UTP25: variants seen among roughly 807,000 people sequenced by gnomAD.
UTP25 encodes the protein UTP25 small subunit processome component.
Under a neutral mutation model 78.9 loss-of-function variants are expected in UTP25, and 50 were observed. The observed-to-expected ratio is 0.63, with a 90% CI of 0.50 to 0.80. UTP25 has a LOEUF of 0.80. Among genes scored for constraint, UTP25 ranks in the 30% least tolerant of loss-of-function variants. The probability of loss-of-function intolerance (pLI) is 0.00; values close to 1 mark genes in which losing one functional copy is unlikely to be tolerated. For missense variants in UTP25, 846 were observed against 911.3 expected, an observed-to-expected ratio of 0.93 and a Z score of 0.92; for synonymous variants, 329 against 336.5, an observed-to-expected ratio of 0.98 and a Z score of 0.24.
rs1345390920 is a variant in UTP25 at position 209,853,668 on chromosome 1, A to G, written c.*2221A>G. 6.6e-6 allele frequency: 1 copy of G among 152,184 alleles called. No homozygotes were observed. Among genetic ancestry groups the G allele is most frequent in the Admixed American group, 6.6e-5 (1 of 15,260 alleles). 9.4% of individuals were successfully genotyped at this position (152,184 alleles called of 1,614,324 possible). ...CCGCCACGCCTGGCCAATTACCTAC[A>G]TCTTTTTCTACTGCCATATTCTTTT... is the stretch of plus-strand genomic sequence containing the variant. On this transcript the variant is annotated 3_prime_UTR_variant, in exon 12 of 12. Coordinates refer to ENST00000491415, the MANE Select transcript of UTP25 (RefSeq NM_014388.7).
chr1:209,829,713 T>C (rs2078092359), intron 1 of UTP25, among the ~76,000 whole-genome samples: 1 of 152,150 alleles, frequency 6.6e-6, no homozygotes, highest in Non-Finnish European at 1.5e-5. Flanking sequence ...CTCAAACTCC[T>C]GGGCTCAAGT....
At chr1:209,833,148 A>C in intron 3 of UTP25, 37 bp from the exon 4 acceptor site, 1 of 1,573,836 alleles carries the variant, frequency 6.4e-7, no homozygotes, top group Non-Finnish European at 8.6e-7. Flanking sequence ...ATAATTTGTG[A>C]GTAAATAATT....
intron 11 of UTP25, among the ~76,000 whole-genome samples, chr1:209,849,610 G>C (rs535767862): frequency 2.0e-5 from 3 of 152,094 alleles, no homozygotes; most frequent in African/African-American, 7.2e-5. Flanking sequence ...GGGCTTTCAT[G>C]TCCCTACCAC....
chr1:209,830,214 A>G, intron 2 of UTP25, 67 bp downstream of exon 2: 2 of 1,336,322 alleles, frequency 1.5e-6, no homozygotes, highest in East Asian at 4.7e-5. Flanking sequence ...ATATCTAATA[A>G]TAAAGCTTGA....
chr1:209,831,745 C>T (rs1305511704), intron 3 of UTP25, among the ~76,000 whole-genome samples: 1 of 152,192 alleles, frequency 6.6e-6, no homozygotes, highest in East Asian at 1.9e-4. Context: ...CATCAGGCAG[C>T]CACTGACCCG....
rs1267655086 is a variant in UTP25, at chr1:209,836,896, C to T, written c.747C>T (p.Leu249=). 4 of 1,614,106 alleles carry T rather than the reference C, an allele frequency of 2.5e-6. No homozygotes were observed. Among genetic ancestry groups the T allele is most frequent in the Middle Eastern group, 1.6e-4 (1 of 6,062 alleles). The change falls in exon 6 of 12, where the codon CTC becomes CTT. Residue 249 remains leucine (L), a synonymous_variant. Coordinates refer to ENST00000491415, the MANE Select transcript of UTP25 (RefSeq NM_014388.7). The stretch of plus-strand genomic sequence containing the variant: ...ATATTGACTTAAAGTCACTTCATCT[C>T]CAGAAGCCTCTGGAATCCACCTGGA... The part of the protein sequence containing the change: ...PKDIDLKSLH[L]QKPLESTWTK...
chr1:209,830,715 G>A (rs1285198655), intron 2 of UTP25, 88 bp from the exon 3 acceptor site: 11 of 1,499,920 alleles, frequency 7.3e-6, no homozygotes, highest in Middle Eastern at 4.1e-4. Context: ...TTTGGGCTTC[G>A]TTGAATAGAT....
Position 209,830,852 on chromosome 1 carries a change from C to T in UTP25, c.197C>T (p.Pro66Leu), listed in dbSNP as rs1432129722. The part of the protein sequence containing the change: ...SDSESDSESE[P>L]QQVSGYHRLL... ...TCTGAAAGCGACTCAGAGAGTGAAC[C>T]ACAACAAGTTTCTGGCTACCACAGA... Residue 66 changes from proline (P) to leucine (L), a missense_variant, in exon 3 of 12, where the codon CCA becomes CTA. Coordinates refer to ENST00000491415, the MANE Select transcript of UTP25 (RefSeq NM_014388.7). The T allele has an allele frequency of 1.2e-6, 2 of 1,613,848 alleles. No individual in the cohort carries two copies. The highest frequency in any genetic ancestry group is 8.5e-7 in the Non-Finnish European group (1 of 1,179,926).
At chr1:209,848,281 C>T (rs1249235631) in intron 11 of UTP25, among the ~76,000 whole-genome samples, 3 of 152,082 alleles carry the variant, frequency 2.0e-5, no homozygotes, top group Non-Finnish European at 4.4e-5. Context: ...TACTTTCTAC[C>T]TCATCTCATC....
In UTP25 at chr1:209,835,117, C is replaced by T. The variant is rs924637188; in HGVS notation, c.605C>T (p.Ala202Val). 4.3e-6 allele frequency: 7 copies of T among 1,613,614 alleles called. No individual in the cohort carries two copies. Among genetic ancestry groups the T allele is most frequent in the African/African-American group, 1.3e-5 (1 of 74,906 alleles). ...QHVNKELKEK[A>V]IQAVATNPKT... ...GTGAACAAAGAACTGAAAGAAAAAGCAATTCAGGCTGTTGCCACAAATCCC... is the reference window on the plus strand; with the variant it reads ...GTGAACAAAGAACTGAAAGAAAAAGTAATTCAGGCTGTTGCCACAAATCCC... Residue 202 changes from alanine to valine, a missense_variant, in exon 5 of 12, where the codon GCA (alanine) becomes GTA (valine). Coordinates refer to ENST00000491415, the MANE Select transcript of UTP25 (RefSeq NM_014388.7).
At chr1:209,829,066 G>T (rs987469343) in intron 1 of UTP25, among the ~76,000 whole-genome samples, 1 of 152,096 alleles carries the variant, frequency 6.6e-6, no homozygotes, top group African/African-American at 2.4e-5. Context: ...GAACCACCGC[G>T]CTTGGCCTGT....
In UTP25 at chr1:209,833,322, G is replaced by C. The variant is rs776682527; in HGVS notation, c.526G>C (p.Glu176Gln). ...CCTGGAAACCAATTTTCTGGAAGAG[G>C]AAAGTGGAGACAACTCTTCTTTGAA... ...FSLETNFLEE[E>Q]SGDNSSLKAS... The change falls in exon 4 of 12, where the codon GAA (glutamate) becomes CAA (glutamine). Residue 176 changes from glutamate (E) to glutamine (Q), a missense_variant. Glu to Gln is a conservative substitution (Grantham distance 29). Coordinates refer to ENST00000491415, the MANE Select transcript of UTP25 (RefSeq NM_014388.7). 2 of 1,590,554 alleles carry C rather than the reference G, an allele frequency of 1.3e-6. No homozygotes were observed. Among genetic ancestry groups the C allele is most frequent in the Non-Finnish European group, 1.7e-6 (2 of 1,171,152 alleles).
intron 10 of UTP25, 138 bp from the exon 11 acceptor site, chr1:209,843,313 G>C: frequency 2.1e-6 from 2 of 974,078 alleles, no homozygotes; most frequent in Non-Finnish European, 3.0e-6. Flanking sequence ...TAATCTCTTT[G>C]AGAGGAGGTA....
intron 11 of UTP25, among the ~76,000 whole-genome samples, chr1:209,846,152 C>T (rs927115173): frequency 4.6e-5 from 7 of 151,944 alleles, no homozygotes; most frequent in South Asian, 4.1e-4. Flanking sequence ...CCACCGTGCC[C>T]GGCCAGAAAA....
intron 11 of UTP25, among the ~76,000 whole-genome samples, chr1:209,847,051 AAC>A (rs1187048111): frequency 6.6e-6 from 1 of 152,214 alleles, no homozygotes; most frequent in African/African-American, 2.4e-5. Flanking sequence ...TTTTTTAAAA[AAC>A]AATACTAAAA....
chr1:209,830,844 G>A lies in UTP25; in HGVS notation c.189G>A (p.Glu63=), dbSNP rs1400988407. 8.7e-6 allele frequency: 14 copies of A among 1,614,116 alleles called. No individual in the cohort carries two copies. Among genetic ancestry groups the A allele is most frequent in the African/African-American group, 1.3e-5 (1 of 75,060 alleles). ...SDSSDSESDS[E]SEPQQVSGYH... ...CTTCAGATTCTGAAAGCGACTCAGA[G>A]AGTGAACCACAACAAGTTTCTGGCT... The change falls in exon 3 of 12, where the codon GAG becomes GAA. Residue 63 remains glutamate, a synonymous_variant. Coordinates refer to ENST00000491415, the MANE Select transcript of UTP25 (RefSeq NM_014388.7).
rs1252987699 is a variant in UTP25 at position 209,851,850 on chromosome 1, T to C, written c.*403T>C. 6.3e-6 allele frequency: 1 copy of C among 159,288 alleles called. No individual in the cohort carries two copies. Among genetic ancestry groups the C allele is most frequent in the African/African-American group, 2.4e-5 (1 of 41,570 alleles). The allele number at this position is 159,288 out of a possible 1,614,324, so 9.9% of individuals were successfully genotyped here. A position where few individuals can be genotyped will look rare whatever the true frequency, so the allele number is the denominator to read the frequency against. ...AATACACATTGCTTGCGAGAACTGGTTATGAGACATTGGAATACTTCTTGC... is the reference window on the plus strand; with the variant it reads ...AATACACATTGCTTGCGAGAACTGGCTATGAGACATTGGAATACTTCTTGC... On this transcript the variant is annotated 3_prime_UTR_variant, in exon 12 of 12. Transcript: ENST00000491415.
rs2078265424 is a variant in UTP25, at chr1:209,855,048, A to G, written c.*3601A>G. ...AACAGATTTCAGTCAACTTTTAATT[A>G]GAGTCAATGAATGGGGAGTAAATAC... On this transcript the variant is annotated 3_prime_UTR_variant, in exon 12 of 12. Coordinates refer to ENST00000491415, the MANE Select transcript of UTP25 (RefSeq NM_014388.7). The G allele has an allele frequency of 6.6e-6, 1 of 152,246 alleles. No individual in the cohort carries two copies. The highest frequency in any genetic ancestry group is 1.5e-5 in the Non-Finnish European group (1 of 68,048). The allele number at this position is 152,246 out of a possible 1,614,324, so 9.4% of individuals were successfully genotyped here. A position where few individuals can be genotyped will look rare whatever the true frequency, so the allele number is the denominator to read the frequency against.
rs746058692 is a variant in UTP25, at chr1:209,836,801, T to G, written c.652T>G (p.Trp218Gly). ...TNPKTTHELK[W>G]PILGQLFFSS... is the part of the protein sequence containing the mutation. Reference sequence around the variant, plus strand: ...GGCTCTTGATCTGTTTCTCCCCTAGTGGCCTATTCTGGGCCAGCTTTTCTT... The same window carrying G: ...GGCTCTTGATCTGTTTCTCCCCTAGGGGCCTATTCTGGGCCAGCTTTTCTT... Residue 218 changes from tryptophan to glycine, a missense_variant and splice_region_variant, in exon 6 of 12, where the codon TGG becomes GGG. By Grantham distance (184) the Trp-to-Gly change is radical. Coordinates refer to ENST00000491415, the MANE Select transcript of UTP25 (RefSeq NM_014388.7). 6.3e-7 allele frequency: 1 copy of G among 1,591,028 alleles called. No homozygotes were observed. Among genetic ancestry groups the G allele is most frequent in the Non-Finnish European group, 8.5e-7 (1 of 1,170,692 alleles).
Sources: gnomAD v4.1 joint callset for allele counts (sites outside exome capture counted in the v4.1 genomes callset) on GRCh38, gnomAD v4.1.1 for gene constraint, MANE v1.5 for transcripts, NCBI Gene and HGNC (gene_info 2026-07-23, HGNC 2026-07-21) for gene names.